Variants in NAT10 observed in about 807,000 individuals in gnomAD.
NAT10 encodes N-acetyltransferase 10.
A neutral mutation model predicts 132.2 loss-of-function variants in NAT10; 109 were observed. The ratio of observed to expected loss-of-function variants is 0.82; its 90% confidence interval spans 0.71 to 0.97. NAT10 has a LOEUF of 0.97. NAT10 is among the 50% of genes least tolerant of loss of function. The pLI, the probability that NAT10 is intolerant of heterozygous loss-of-function variation, is 0.00. For synonymous variants in NAT10, 479 were observed against 478.0 expected (o/e 1.00, Z -0.03); for missense variants, 1,184 against 1,263.4 (o/e 0.94, Z 0.95).
At chr11:34,119,499 A>G (rs1375721081) in intron 8 of NAT10, among the ~76,000 whole-genome samples, 1 of 152,198 alleles carries the variant, frequency 6.6e-6, no homozygotes, top group Non-Finnish European at 1.5e-5. Context: ...CCTCTTTATC[A>G]CAAAAGAGAA....
rs758794385 is a variant in NAT10 at position 34,141,155 on chromosome 11, C to G, written c.2659C>G (p.Pro887Ala). The G allele has an allele frequency of 6.2e-7, 1 of 1,614,004 alleles. No individual in the cohort carries two copies. Among genetic ancestry groups the G allele is most frequent in the Non-Finnish European group, 8.5e-7 (1 of 1,180,014 alleles). Residue 887 changes from proline to alanine, a missense_variant, in exon 25 of 29, where the codon CCC (proline) becomes GCC (alanine). Pro to Ala is a conservative substitution (Grantham distance 27). Transcript: ENST00000257829. ...CCAGCTGGAAAAGGAGATTGAGCTG[C>G]CCTCGGGCCAGTTGATGGGACTTTT... The part of the protein sequence containing the change: ...VDQLEKEIEL[P>A]SGQLMGLFNR...
In NAT10 at chr11:34,130,979, G is replaced by C. The variant is rs111829970; in HGVS notation, c.1369+42G>C. 61 of 1,609,278 alleles carry C rather than the reference G, an allele frequency of 3.8e-5. No individual in the cohort carries two copies. In the African/African-American group the frequency reaches 7.1e-4, roughly 19 times the overall value. The stretch of plus-strand genomic sequence containing the variant: ...CCCGGGTCCCGCGGTTCACAGCAAG[G>C]CCCTTCAGTCTTACTGATCCTCGCT... On this transcript the variant is annotated intron_variant, in intron 13 of 28. Transcript: ENST00000257829.
chr11:34,130,928 T>C lies in NAT10; in HGVS notation c.1360T>C (p.Leu454=), dbSNP rs753941158. ...AENKTTTTAR[L]ASARTLYEVS... is the part of the protein sequence containing the mutation. ...GAATAAGACCACGACGACAGCCAGA[T>C]TGGCATCAGGTACCCCAGAACCTGA... Residue 454 remains leucine, a synonymous_variant, in exon 13 of 29, where the codon TTG becomes CTG. Coordinates refer to ENST00000257829, the MANE Select transcript of NAT10 (RefSeq NM_024662.3). 1.6e-5 allele frequency: 26 copies of C among 1,613,900 alleles called. No homozygotes were observed. Among genetic ancestry groups the C allele is most frequent in the Admixed American group, 5.0e-5 (3 of 59,998 alleles).
chr11:34,143,842 C>T (rs1852385952), intron 28 of NAT10, among the ~76,000 whole-genome samples: 1 of 152,210 alleles, frequency 6.6e-6, no homozygotes, highest in Admixed American at 6.5e-5. Context: ...TATGGGCTTT[C>T]ATCATTCAGC....
intron 3 of NAT10, 127 bp from the exon 4 acceptor site, chr11:34,111,925 C>T: frequency 8.9e-7 from 1 of 1,120,380 alleles, no homozygotes. Flanking sequence ...AAGTGGGCCT[C>T]ACACTTTCAA....
In NAT10 at chr11:34,141,187, G is replaced by T. The variant is rs767352992; in HGVS notation, c.2691G>T (p.Arg897=). Residue 897 remains arginine (R), a synonymous_variant, in exon 25 of 29, where the codon CGG becomes CGT. Transcript: ENST00000257829. ...PSGQLMGLFN[R]IIRKVVKLFN... ...GCCAGTTGATGGGACTTTTCAACCG[G>T]ATCATCCGCAAAGTTGTGAAGGTAA... 1.9e-6 allele frequency: 3 copies of T among 1,613,908 alleles called. No individual in the cohort carries two copies.
chr11:34,130,178 AAGG>A (rs1026683794), intron 12 of NAT10, among the ~76,000 whole-genome samples: 1 of 152,208 alleles, frequency 6.6e-6, no homozygotes, highest in African/African-American at 2.4e-5. Flanking sequence ...GACTAAAGAC[AAGG>A]AGAAGAAAAC....
intron 20 of NAT10, 25 bp from the exon 21 acceptor site, chr11:34,136,953 A>G (rs762568995): frequency 3.0e-5 from 49 of 1,613,838 alleles, no homozygotes; most frequent in Non-Finnish European, 3.8e-5. Context: ...ACACACAGTG[A>G]CCTACTGTCT....
rs756374149 is a variant in NAT10 at position 34,139,298 on chromosome 11, A to C, written c.2308+11A>C. On this transcript the variant is annotated intron_variant, in intron 22 of 28. Transcript: ENST00000257829. ...CAGCCTTCTGGAAAGGTGACTGAGG[A>C]GTAGGGGTTTGGGGGAGACAATGAG... 2 of 1,611,848 alleles carry C rather than the reference A, an allele frequency of 1.2e-6. No homozygotes were observed. The highest frequency in any genetic ancestry group is 2.7e-5 in the African/African-American group (2 of 74,752).
intron 12 of NAT10, among the ~76,000 whole-genome samples, chr11:34,128,846 AC>A (rs1178330742): frequency 6.6e-6 from 1 of 151,602 alleles, no homozygotes; most frequent in Non-Finnish European, 1.5e-5. Context: ...GTTCCTCCAC[AC>A]CCCCCAACCC....
intron 8 of NAT10, among the ~76,000 whole-genome samples, chr11:34,122,256 A>T (rs1041331032): frequency 6.6e-6 from 1 of 152,172 alleles, no homozygotes; most frequent in Non-Finnish European, 1.5e-5. Context: ...ATCTATTAAA[A>T]ATTGGTACCA....
At chr11:34,134,717 A>C in intron 18 of NAT10, 131 bp downstream of exon 18, 1 of 469,712 alleles carries the variant, frequency 2.1e-6, no homozygotes, top group Non-Finnish European at 4.2e-6. Context: ...GCTCTGGAGA[A>C]TTGAGCCAGG....
Position 34,123,748 on chromosome 11 carries a change from A to G in NAT10, c.915-14A>G, listed in dbSNP as rs768267090. ...CTAATTTCTTAAAAATCCTTCTTTTATTTTGTTCTGTAGGTACTCCAATAT... is the reference window on the plus strand; with the variant it reads ...CTAATTTCTTAAAAATCCTTCTTTTGTTTTGTTCTGTAGGTACTCCAATAT... On this transcript the variant is annotated splice_polypyrimidine_tract_variant and intron_variant, in intron 9 of 28. Transcript: ENST00000257829. 1 of 1,527,396 alleles carries G rather than the reference A, an allele frequency of 6.5e-7. No individual in the cohort carries two copies. The highest frequency in any genetic ancestry group is 1.2e-5 in the South Asian group (1 of 85,532). 94.6% of individuals were successfully genotyped at this position (1,527,396 alleles called of 1,614,324 possible).
intron 21 of NAT10, among the ~76,000 whole-genome samples, chr11:34,137,741 G>T (rs909581738): frequency 6.6e-6 from 1 of 152,224 alleles, no homozygotes; most frequent in Admixed American, 6.5e-5. Context: ...GGACCCTAAC[G>T]TTTAGAGGAA....
intron 13 of NAT10, 111 bp downstream of exon 13, chr11:34,131,048 G>A: frequency 6.7e-7 from 1 of 1,492,650 alleles, no homozygotes; most frequent in Non-Finnish European, 9.1e-7. Context: ...CCCACCATCA[G>A]GCTGAGAGGT....
chr11:34,130,977 A>AG, intron 13 of NAT10, 40 bp downstream of exon 13: 1 of 1,609,890 alleles, frequency 6.2e-7, no homozygotes, highest in Non-Finnish European at 8.5e-7. Flanking sequence ...GTTCACAGCA[A>AG]GGCCCTTCAG....
At chr11:34,127,785 C>T (rs886148643) in intron 12 of NAT10, among the ~76,000 whole-genome samples, 186 bp downstream of exon 12, 2 of 152,136 alleles carry the variant, frequency 1.3e-5, no homozygotes, top group Non-Finnish European at 2.9e-5. Flanking sequence ...AACTGTTACA[C>T]GTCTCTGGCC....
At chr11:34,109,987 T>C (rs1324550375) in intron 3 of NAT10, among the ~76,000 whole-genome samples, 2 of 152,162 alleles carry the variant, frequency 1.3e-5, no homozygotes, top group Admixed American at 1.3e-4. Context: ...GGGTTGGTCA[T>C]AGCATAATAC....
chr11:34,120,527 C>G (rs1851874877), intron 8 of NAT10, among the ~76,000 whole-genome samples: 1 of 152,210 alleles, frequency 6.6e-6, no homozygotes, highest in East Asian at 1.9e-4. Context: ...TTCCCACCCT[C>G]AAACACCTAT....
Sources: allele counts gnomAD v4.1 joint callset (sites outside exome capture counted in the v4.1 genomes callset), GRCh38; gene constraint gnomAD v4.1.1; transcripts MANE v1.5; gene names NCBI Gene and HGNC (gene_info 2026-07-23, HGNC 2026-07-21).